PCDHGA3: variants seen among roughly 807,000 people sequenced by gnomAD.
PCDHGA3 encodes the protein protocadherin gamma-A3.
In PCDHGA3, 40 loss-of-function variants were observed where a neutral mutation model predicts 58.5. The observed-to-expected ratio is 0.68, with a 90% confidence interval of 0.53 to 0.89. PCDHGA3 has a LOEUF of 0.89. PCDHGA3 is among the 40% of genes least tolerant of loss of function. PCDHGA3 has a pLI of 0.00. For missense variants in PCDHGA3, 1,223 were observed against 1,195.9 expected, an observed-to-expected ratio of 1.02 and a Z score of -0.33; for synonymous variants, 530 against 525.7, an observed-to-expected ratio of 1.01 and a Z score of -0.11.
At chr5:141,382,022 T>C (rs1330641881) in intron 1 of PCDHGA3, among the ~76,000 whole-genome samples, 1 of 151,530 alleles carries the variant, frequency 6.6e-6, no homozygotes, top group Non-Finnish European at 1.5e-5. Context: ...AGAGACGGGG[T>C]TTCTCCATGT....
At chr5:141,467,767 C>T (rs72790060) in intron 1 of PCDHGA3, among the ~76,000 whole-genome samples, 25,555 of 151,632 alleles carry the variant, frequency 0.17, 2,195 homozygotes, top group South Asian at 0.22. Context: ...GCTCAAGTGC[C>T]CGCACCTCAG....
rs1322550070 is a variant in PCDHGA3 at position 141,344,484 on chromosome 5, C to A, written c.451C>A (p.Arg151=). The A allele has an allele frequency of 1.2e-6, 2 of 1,613,764 alleles. No individual in the cohort carries two copies. The highest frequency in any genetic ancestry group is 1.1e-5 in the South Asian group (1 of 91,070). The part of the protein sequence containing the change: ...KIGELTVPGT[R]FPIKTAFDPD... ...TGGTGAACTAACGGTTCCTGGAACC[C>A]GATTTCCAATTAAAACTGCTTTTGA... The change falls in exon 1 of 4, where the codon CGA becomes AGA. Residue 151 remains arginine, a synonymous_variant. Coordinates refer to ENST00000253812, the MANE Select transcript of PCDHGA3 (RefSeq NM_018916.4).
At chr5:141,435,180 C>G (rs1341148119) in intron 1 of PCDHGA3, among the ~76,000 whole-genome samples, 1 of 152,074 alleles carries the variant, frequency 6.6e-6, no homozygotes, top group African/African-American at 2.4e-5. Context: ...TTTAACTACA[C>G]TTGAGATGGC....
chr5:141,449,160 T>G (rs6867451), intron 1 of PCDHGA3, among the ~76,000 whole-genome samples: 8,161 of 152,140 alleles, frequency 0.054, 458 homozygotes, highest in African/African-American at 0.15. Context: ...AAAGAGGAAA[T>G]AGGTGTAATT....
At chr5:141,417,703 C>A in intron 1 of PCDHGA3, 1 of 1,205,130 alleles carries the variant, frequency 8.3e-7, no homozygotes, top group Non-Finnish European at 1.1e-6. Context: ...AGCTCCCACA[C>A]AGAGGCTCCC....
chr5:141,428,091 T>A lies in PCDHGA3; in HGVS notation c.2425-66716T>A, dbSNP rs769710543. 1.1e-5 allele frequency: 17 copies of A among 1,609,000 alleles called. No homozygotes were observed. In the African/African-American group the frequency reaches 1.5e-4, roughly 14 times the overall value. On this transcript the variant is annotated intron_variant, in intron 1 of 3. Transcript: ENST00000253812. ...AGATTCGGGACACAACGCTTGGCTGTCCTACCACGTGCTGCAGGCCATCGA... is the reference window on the plus strand; with the variant it reads ...AGATTCGGGACACAACGCTTGGCTGACCTACCACGTGCTGCAGGCCATCGA...
intron 1 of PCDHGA3, chr5:141,352,196 G>A (rs1276459569): frequency 1.2e-6 from 2 of 1,613,818 alleles, no homozygotes; most frequent in East Asian, 2.2e-5. Context: ...GCGTGATGGA[G>A]GACAGCCGCC....
At chr5:141,507,121 G>A (rs940889204) in intron 3 of PCDHGA3, 1 of 152,126 alleles carries the variant, frequency 6.6e-6, no homozygotes, top group African/African-American at 2.4e-5. Flanking sequence ...GGCTGCCTTT[G>A]GATCCAGCCT....
At chr5:141,441,325 T>C (rs961263461) in intron 1 of PCDHGA3, 1 of 152,192 alleles carries the variant, frequency 6.6e-6, no homozygotes, top group African/African-American at 2.4e-5. Flanking sequence ...AGAAAAATCT[T>C]CCTCCAATAA....
At chr5:141,383,225 T>G in intron 1 of PCDHGA3, 2 of 1,613,970 alleles carry the variant, frequency 1.2e-6, no homozygotes, top group Non-Finnish European at 1.7e-6. Context: ...TTTAACATCC[T>G]GATGGAAGAT....
chr5:141,361,195 A>T (rs369211493), intron 1 of PCDHGA3: 1 of 1,613,574 alleles, frequency 6.2e-7, no homozygotes, highest in Non-Finnish European at 8.5e-7. Context: ...TTCAGTATCT[A>T]CTCCCCTACC....
chr5:141,362,346 TG>T (rs759838965), intron 1 of PCDHGA3: 3 of 1,614,088 alleles, frequency 1.9e-6, no homozygotes, highest in Non-Finnish European at 2.5e-6. Context: ...AGCCTGGACC[TG>T]GGGTTCTCCC....
intron 1 of PCDHGA3, chr5:141,360,196 C>G (rs770642245): frequency 2.5e-6 from 4 of 1,612,440 alleles, no homozygotes; most frequent in Non-Finnish European, 3.4e-6. Flanking sequence ...GTTGCCCTTC[C>G]TGTTGTCTTT....
chr5:141,403,341 C>T (rs1279947533), intron 1 of PCDHGA3: 1 of 1,613,988 alleles, frequency 6.2e-7, no homozygotes, highest in Non-Finnish European at 8.5e-7. Flanking sequence ...AACGACAGCG[C>T]CCCAAAGTTC....
chr5:141,478,146 T>C (rs1457995929), intron 1 of PCDHGA3: 1 of 1,613,978 alleles, frequency 6.2e-7, no homozygotes, highest in Non-Finnish European at 8.5e-7. Context: ...CGAGCCGAGT[T>C]CCCCTCTGGC....
At chr5:141,465,047 T>C (rs2099095978) in intron 1 of PCDHGA3, among the ~76,000 whole-genome samples, 1 of 152,088 alleles carries the variant, frequency 6.6e-6, no homozygotes, top group Non-Finnish European at 1.5e-5. Context: ...TGACCCTATA[T>C]ATTTTTTTGA....
chr5:141,357,157 CCT>C, intron 1 of PCDHGA3: 1 of 1,613,660 alleles, frequency 6.2e-7, no homozygotes, highest in South Asian at 1.1e-5. Flanking sequence ...TGGCCAGCCC[CCT>C]CTCTCGGCCA....
rs757157488 is a variant in PCDHGA3 at position 141,477,668 on chromosome 5, A to G, written c.2425-17139A>G. ...TTTCACAATAAATCGTGACAATGGC[A>G]TAGTGTCATCCTTAGTGCCCCTAGA... On this transcript the variant is annotated intron_variant, in intron 1 of 3. Coordinates refer to ENST00000253812, the MANE Select transcript of PCDHGA3 (RefSeq NM_018916.4). The surrounding 1 kb of genome is among the most constrained non-coding windows in gnomAD (Gnocchi z 4.9). 10 of 1,614,104 alleles carry G rather than the reference A, an allele frequency of 6.2e-6. No individual in the cohort carries two copies. Among genetic ancestry groups the G allele is most frequent in the Non-Finnish European group, 8.5e-6 (10 of 1,180,046 alleles).
intron 2 of PCDHGA3, among the ~76,000 whole-genome samples, chr5:141,503,100 G>A (rs563699751): frequency 6.6e-6 from 1 of 151,592 alleles, no homozygotes; most frequent in South Asian, 2.1e-4. Context: ...TGGTCTGCCC[G>A]CCCCTGCCTC....
Sources: allele counts gnomAD v4.1 joint callset (sites outside exome capture counted in the v4.1 genomes callset), GRCh38; gene constraint gnomAD v4.1.1; non-coding constraint Gnocchi (gnomAD v3.1); transcripts MANE v1.5; gene names NCBI Gene and HGNC (gene_info 2026-07-23, HGNC 2026-07-21).